The following PCCB variants were observed in gnomAD, a reference collection of about 807,000 sequenced individuals.
PCCB encodes the protein propionyl-CoA carboxylase beta chain, mitochondrial.
A neutral mutation model predicts 60.7 loss-of-function variants in PCCB; 43 were observed. The ratio of observed to expected loss-of-function variants is 0.71; its 90% CI spans 0.55 to 0.91. The LOEUF (loss-of-function observed/expected upper bound fraction) is 0.91, where lower values mean the gene tolerates loss of function less well. PCCB is among the 40% of genes least tolerant of loss of function. The probability of loss-of-function intolerance (pLI) is 0.00; values close to 1 mark genes in which losing one functional copy is unlikely to be tolerated. For missense variants in PCCB, 766 were observed against 702.8 expected, an observed-to-expected ratio of 1.09 and a Z score of -1.02; for synonymous variants, 276 against 255.9, an observed-to-expected ratio of 1.08 and a Z score of -0.75.
At chr3:136,269,293 T>C (rs1015936592) in intron 5 of PCCB, among the ~76,000 whole-genome samples, 2 of 152,184 alleles carry the variant, frequency 1.3e-5, no homozygotes, top group African/African-American at 4.8e-5. Flanking sequence ...TTTGTGATGC[T>C]ATTTAGAATG....
chr3:136,292,911 C>T (rs975297390), intron 6 of PCCB, among the ~76,000 whole-genome samples: 2 of 152,018 alleles, frequency 1.3e-5, no homozygotes, highest in African/African-American at 4.8e-5. Flanking sequence ...ATCTCCTGTT[C>T]CTCTGTTTAA....
chr3:136,288,258 T>A (rs1422741203), intron 6 of PCCB, among the ~76,000 whole-genome samples: 1 of 152,250 alleles, frequency 6.6e-6, no homozygotes, highest in Non-Finnish European at 1.5e-5. Flanking sequence ...AGATGAAGTA[T>A]GTCCATCATA....
At chr3:136,309,507 A>G (rs189680864) in intron 9 of PCCB, among the ~76,000 whole-genome samples, 1 of 151,980 alleles carries the variant, frequency 6.6e-6, no homozygotes, top group East Asian at 2.0e-4. Context: ...GAAACTTAAG[A>G]ATCGTTAAGA....
intron 6 of PCCB, among the ~76,000 whole-genome samples, chr3:136,289,464 G>T (rs962219847): frequency 1.3e-5 from 2 of 152,056 alleles, no homozygotes; most frequent in African/African-American, 4.8e-5. Flanking sequence ...GATTTCTTTT[G>T]ATTAGTCTTA....
At chr3:136,285,451 C>A (rs768872319) in intron 6 of PCCB, among the ~76,000 whole-genome samples, 1 of 152,112 alleles carries the variant, frequency 6.6e-6, no homozygotes, top group Admixed American at 6.6e-5. Flanking sequence ...CAAAAACTGT[C>A]CTCTAGTTGG....
At chr3:136,255,543 T>C in intron 1 of PCCB, 1 of 391,758 alleles carries the variant, frequency 2.6e-6, no homozygotes, top group South Asian at 2.2e-5. Flanking sequence ...AGTAAGTATT[T>C]GTGGAACTAA....
chr3:136,279,463 G>A (rs1942416451), intron 5 of PCCB, among the ~76,000 whole-genome samples: 2 of 151,924 alleles, frequency 1.3e-5, no homozygotes, highest in African/African-American at 4.8e-5. Flanking sequence ...TGTTTTCTTA[G>A]TGGTTACCTT....
At chr3:136,317,882 C>G (rs967992101) in intron 10 of PCCB, among the ~76,000 whole-genome samples, 6 of 152,192 alleles carry the variant, frequency 3.9e-5, no homozygotes, top group African/African-American at 1.2e-4. Flanking sequence ...TGGCTGTGCT[C>G]TGGGAGGGAT....
chr3:136,311,412 C>T (rs1934661766), intron 9 of PCCB, among the ~76,000 whole-genome samples: 3 of 152,092 alleles, frequency 2.0e-5, no homozygotes, highest in African/African-American at 7.2e-5. Flanking sequence ...AGTGCAGTGA[C>T]CCAGTCACAA....
chr3:136,310,350 C>A (rs539777337), intron 9 of PCCB, among the ~76,000 whole-genome samples: 1 of 149,498 alleles, frequency 6.7e-6, no homozygotes, highest in East Asian at 2.0e-4. Flanking sequence ...GCAACAAGAG[C>A]GAAACTCCAT....
At chr3:136,316,882 C>T in intron 9 of PCCB, 59 bp from the exon 10 acceptor site, 1 of 1,573,418 alleles carries the variant, frequency 6.4e-7, no homozygotes, top group Middle Eastern at 1.7e-4. Flanking sequence ...TCTGTAGTGT[C>T]ATTACATCTT....
At chr3:136,320,250 G>A (rs1935063370) in intron 10 of PCCB, among the ~76,000 whole-genome samples, 1 of 152,172 alleles carries the variant, frequency 6.6e-6, no homozygotes, top group Admixed American at 6.5e-5. Context: ...TTGGAATTTT[G>A]ATAGGGATGG....
At chr3:136,326,489 A>G in intron 10 of PCCB, 1 of 673,378 alleles carries the variant, frequency 1.5e-6, no homozygotes, top group East Asian at 2.7e-5. Context: ...CTCTAAGACC[A>G]GCCCTTGAAT....
chr3:136,300,974 CAAA>C, intron 8 of PCCB, 53 bp from the exon 9 acceptor site: 2 of 1,351,800 alleles, frequency 1.5e-6, no homozygotes, highest in African/African-American at 2.9e-5. Context: ...CCCATTCCCA[CAAA>C]AGGTAACTGG....
At chr3:136,273,590 C>CTTTTT (rs1942257481) in intron 5 of PCCB, among the ~76,000 whole-genome samples, 1 of 65,612 alleles carries the variant, frequency 1.5e-5, no homozygotes, top group Non-Finnish European at 3.2e-5. Context: ...TTTTTTTTTT[C>CTTTTT]TTTTTTCTTT....
chr3:136,328,875 A>AG lies in PCCB; in HGVS notation c.1498+19dup. 6.4e-7 allele frequency: 1 copy of AG among 1,570,528 alleles called. No homozygotes were observed. The highest frequency in any genetic ancestry group is 1.1e-5 in the South Asian group (1 of 90,182). Reference sequence around the variant, plus strand: ...AGTGCGAGGTAGGGGACTGTGGTGAAGAGGGCAGCTTTGTTTGTTTGGTCA... The same window carrying AG: ...AGTGCGAGGTAGGGGACTGTGGTGAAGGAGGGCAGCTTTGTTTGTTTGGTCA... On this transcript the variant is annotated intron_variant, in intron 14 of 14. Transcript: ENST00000251654.
intron 7 of PCCB, among the ~76,000 whole-genome samples, chr3:136,296,054 A>AT (rs1270989194): frequency 6.6e-6 from 1 of 151,992 alleles, no homozygotes; most frequent in Non-Finnish European, 1.5e-5. Context: ...CCGTACATAT[A>AT]TTTTTCTCTC....
intron 5 of PCCB, among the ~76,000 whole-genome samples, chr3:136,268,709 C>G (rs1942105368): frequency 6.6e-6 from 1 of 151,968 alleles, no homozygotes; most frequent in Non-Finnish European, 1.5e-5. Context: ...GGTGATCCAC[C>G]CGCCTCGGCC....
chr3:136,307,186 AG>A (rs1305419157), intron 9 of PCCB, among the ~76,000 whole-genome samples: 4 of 122,504 alleles, frequency 3.3e-5, no homozygotes, highest in African/African-American at 1.0e-4. Flanking sequence ...CCAAGAACCG[AG>A]GGAAGTTTGT....
Sources: allele counts gnomAD v4.1 joint callset (sites outside exome capture counted in the v4.1 genomes callset), GRCh38; gene constraint gnomAD v4.1.1; transcripts MANE v1.5; gene names NCBI Gene and HGNC (gene_info 2026-07-23, HGNC 2026-07-21).